Variants in LSAMP observed in about 807,000 individuals in gnomAD.
The protein encoded by LSAMP is limbic system associated membrane protein.
A neutral mutation model predicts 38.6 loss-of-function variants in LSAMP; 7 were observed. The ratio of observed to expected loss-of-function variants is 0.18; its 90% confidence interval spans 0.10 to 0.34. The LOEUF is 0.34. Among genes scored for constraint, LSAMP ranks in the 10% least tolerant of loss-of-function variants. The pLI is 1.00. For missense variants in LSAMP, 313 were observed against 420.0 expected (o/e 0.75, Z 2.23); for synonymous variants, 154 against 166.8 (o/e 0.92, Z 0.59).
intron 2 of LSAMP, among the ~76,000 whole-genome samples, chr3:116,037,456 T>C (rs1941071374): frequency 6.6e-6 from 1 of 152,026 alleles, no homozygotes; most frequent in South Asian, 2.1e-4. Flanking sequence ...CCCCATACTT[T>C]CTCTGACTCT....
chr3:115,935,180 A>T (rs1937657526), intron 3 of LSAMP, among the ~76,000 whole-genome samples: 1 of 152,204 alleles, frequency 6.6e-6, no homozygotes, highest in African/African-American at 2.4e-5. Flanking sequence ...GGAATAAAAT[A>T]TGAAAGGAAG....
chr3:115,881,113 T>A (rs1260899599), intron 3 of LSAMP, among the ~76,000 whole-genome samples: 1 of 151,948 alleles, frequency 6.6e-6, no homozygotes, highest in Non-Finnish European at 1.5e-5. Flanking sequence ...TCCAGTAAGA[T>A]CTGTCATCCT....
At chr3:116,095,705 TAG>T (rs1263293174) in intron 1 of LSAMP, among the ~76,000 whole-genome samples, 2 of 152,216 alleles carry the variant, frequency 1.3e-5, no homozygotes, top group Non-Finnish European at 2.9e-5. Context: ...CAGCTGGAGT[TAG>T]AGTCAATCCC....
chr3:115,867,788 G>T (rs925532459), intron 3 of LSAMP, among the ~76,000 whole-genome samples: 1 of 152,278 alleles, frequency 6.6e-6, no homozygotes, highest in Admixed American at 6.5e-5. Flanking sequence ...TGAGTCTAAA[G>T]TCTATTTGCT....
At chr3:116,284,213 T>C (rs974916674) in intron 1 of LSAMP, among the ~76,000 whole-genome samples, 5 of 152,136 alleles carry the variant, frequency 3.3e-5, no homozygotes, top group African/African-American at 1.2e-4. Flanking sequence ...GATCTATTGT[T>C]TCATGCCTGA....
chr3:116,275,571 C>T (rs1006283347), intron 1 of LSAMP, among the ~76,000 whole-genome samples: 8 of 151,870 alleles, frequency 5.3e-5, no homozygotes, highest in Non-Finnish European at 1.0e-4. Flanking sequence ...ATTGCATTTT[C>T]CGTTTTTTTT....
chr3:115,834,568 TG>T lies in LSAMP; in HGVS notation c.919+7276del. 3.1e-6 allele frequency: 4 copies of T among 1,282,280 alleles called. No homozygotes were observed. In the South Asian group the frequency reaches 5.0e-5, roughly 16 times the overall value. 79.4% of individuals were successfully genotyped at this position (1,282,280 alleles called of 1,614,324 possible). ...TGATAAAAATCATACTGACCTTGAA[TG>T]GGGTGGGGGATTGTGGGTAAAACAC... On this transcript the variant is annotated intron_variant, in intron 6 of 6. Transcript: ENST00000490035.
At chr3:116,223,877 A>G (rs2046315491) in intron 1 of LSAMP, among the ~76,000 whole-genome samples, 1 of 152,198 alleles carries the variant, frequency 6.6e-6, no homozygotes, top group Non-Finnish European at 1.5e-5. Context: ...AAGATTGTAT[A>G]ACCCTTTGGA....
At chr3:116,019,983 G>T (rs1940593433) in intron 2 of LSAMP, among the ~76,000 whole-genome samples, 1 of 151,986 alleles carries the variant, frequency 6.6e-6, no homozygotes, top group Non-Finnish European at 1.5e-5. Flanking sequence ...TATTATCATT[G>T]TTATTTAAAT....
intron 2 of LSAMP, among the ~76,000 whole-genome samples, chr3:116,058,438 G>A (rs1941530743): frequency 6.7e-6 from 1 of 150,210 alleles, no homozygotes; most frequent in Admixed American, 6.7e-5. Flanking sequence ...CAGTTTCCAA[G>A]GGTTTCTGTA....
At chr3:116,033,975 G>A (rs1335742942) in intron 2 of LSAMP, among the ~76,000 whole-genome samples, 1 of 152,060 alleles carries the variant, frequency 6.6e-6, no homozygotes, top group Non-Finnish European at 1.5e-5. Context: ...TTTCCATAGG[G>A]TCTGGGCTGG....
intron 1 of LSAMP, among the ~76,000 whole-genome samples, chr3:116,187,555 A>G (rs1200114786): frequency 6.6e-6 from 1 of 152,140 alleles, no homozygotes; most frequent in African/African-American, 2.4e-5. Flanking sequence ...CAAAGCATCA[A>G]GAACCCAGCA....
At chr3:115,982,477 G>T (rs754137549) in intron 3 of LSAMP, among the ~76,000 whole-genome samples, 1 of 152,040 alleles carries the variant, frequency 6.6e-6, no homozygotes, top group Non-Finnish European at 1.5e-5. Context: ...ATAAAAAGGG[G>T]AAATCCTCAA....
At chr3:115,914,009 G>A (rs2107510215) in intron 3 of LSAMP, among the ~76,000 whole-genome samples, 2 of 152,232 alleles carry the variant, frequency 1.3e-5, no homozygotes, top group East Asian at 3.9e-4. Context: ...AAAAAGAAAA[G>A]AAGGAAAGTC....
chr3:115,950,991 C>T (rs964068788), intron 3 of LSAMP, among the ~76,000 whole-genome samples: 1 of 151,978 alleles, frequency 6.6e-6, no homozygotes, highest in Non-Finnish European at 1.5e-5. Flanking sequence ...AGCCAACTGA[C>T]ATTTGACAAA....
At chr3:116,342,081 G>C (rs149492342) in intron 1 of LSAMP, among the ~76,000 whole-genome samples, 33 of 152,098 alleles carry the variant, frequency 2.2e-4, no homozygotes, top group Middle Eastern at 3.4e-3. Context: ...GACTTAGTGT[G>C]AGGTTAGTGA....
intron 1 of LSAMP, among the ~76,000 whole-genome samples, chr3:116,218,172 A>C (rs572872611): frequency 6.6e-6 from 1 of 152,238 alleles, no homozygotes; most frequent in South Asian, 2.1e-4. Context: ...GTAATTTTCC[A>C]AGAAGAGTAA....
At chr3:116,337,040 A>T (rs1277788606) in intron 1 of LSAMP, among the ~76,000 whole-genome samples, 1 of 151,912 alleles carries the variant, frequency 6.6e-6, no homozygotes, top group Non-Finnish European at 1.5e-5. Flanking sequence ...TGAACCTTAA[A>T]GAAATTATGC....
chr3:115,985,428 C>T (rs914067873), intron 3 of LSAMP, among the ~76,000 whole-genome samples: 1 of 152,134 alleles, frequency 6.6e-6, no homozygotes, highest in African/African-American at 2.4e-5. Context: ...ACCGAGTAAG[C>T]AGATTGAAAA....
Sources: allele counts gnomAD v4.1 joint callset (sites outside exome capture counted in the v4.1 genomes callset), GRCh38; gene constraint gnomAD v4.1.1; transcripts MANE v1.5; gene names NCBI Gene and HGNC (gene_info 2026-07-23, HGNC 2026-07-21).